The following TSPAN9 variants were observed in gnomAD, a reference collection of about 807,000 sequenced individuals.
TSPAN9 encodes tetraspanin-9.
In TSPAN9, 16 loss-of-function variants were observed where a neutral mutation model predicts 31.0. The observed-to-expected ratio is 0.52, with a 90% CI of 0.35 to 0.78. The LOEUF (loss-of-function observed/expected upper bound fraction) is 0.78. TSPAN9 is among the 30% of genes least tolerant of loss of function. TSPAN9 has a pLI of 0.01. For synonymous variants in TSPAN9, 145 were observed against 121.6 expected, an observed-to-expected ratio of 1.19 and a Z score of -1.27; for missense variants, 272 against 312.5, an observed-to-expected ratio of 0.87 and a Z score of 0.98.
intron 2 of TSPAN9, among the ~76,000 whole-genome samples, chr12:3,145,585 C>G (rs960297246): frequency 1.1e-4 from 17 of 152,092 alleles, no homozygotes; most frequent in African/African-American, 3.9e-4. Context: ...CACTCGTCAC[C>G]CTGAATTCTA....
At chr12:3,082,258 A>G (rs894209427) in intron 1 of TSPAN9, among the ~76,000 whole-genome samples, 4 of 152,220 alleles carry the variant, frequency 2.6e-5, no homozygotes, top group African/African-American at 7.2e-5. Flanking sequence ...ATTTCAACAG[A>G]AGGAGGAAGG....
rs529986359 is a variant in TSPAN9 at position 3,234,041 on chromosome 12, G to T, written c.63+32785G>T. On this transcript the variant is annotated intron_variant, in intron 3 of 8. Transcript: ENST00000011898. ...GGGGATGAATGGAGCTTGTGTAAAC[G>T]TGGGTGTGTAGGGCTGAGACGTCCT... Among the ~76,000 whole-genome samples the T allele has an allele frequency of 1.8e-4, 27 of 152,198 alleles. 1 individual carries two copies. Among genetic ancestry groups the T allele is most frequent in the Admixed American group, 1.4e-3 (21 of 15,284 alleles).
intron 2 of TSPAN9, among the ~76,000 whole-genome samples, chr12:3,199,514 G>T (rs1211792253): frequency 1.3e-5 from 2 of 152,232 alleles, no homozygotes; most frequent in Non-Finnish European, 2.9e-5. Context: ...TCGTTTCTCT[G>T]ACCTCACGGG....
intron 3 of TSPAN9, among the ~76,000 whole-genome samples, chr12:3,207,909 C>T (rs2098376201): frequency 6.6e-6 from 1 of 152,166 alleles, no homozygotes; most frequent in South Asian, 2.1e-4. Flanking sequence ...TGAACAAAGC[C>T]CCTCCTGAGT....
At chr12:3,178,134 A>T (rs1218146201) in intron 2 of TSPAN9, among the ~76,000 whole-genome samples, 1 of 152,048 alleles carries the variant, frequency 6.6e-6, no homozygotes, top group Non-Finnish European at 1.5e-5. Context: ...TGCCATTCTT[A>T]TCTTTTTTTA....
intron 2 of TSPAN9, among the ~76,000 whole-genome samples, chr12:3,141,460 C>T (rs1239453515): frequency 1.3e-5 from 2 of 152,182 alleles, no homozygotes; most frequent in South Asian, 2.1e-4. Flanking sequence ...TCCTCCTGCC[C>T]CGGGCCCTGC....
intron 3 of TSPAN9, among the ~76,000 whole-genome samples, chr12:3,219,390 G>C (rs1029053274): frequency 6.6e-6 from 1 of 152,150 alleles, no homozygotes; most frequent in Non-Finnish European, 1.5e-5. Flanking sequence ...CTGTTGAGTG[G>C]CACCTCCTGC....
At chr12:3,206,265 C>T (rs1250577523) in intron 3 of TSPAN9, 2 of 454,532 alleles carry the variant, frequency 4.4e-6, no homozygotes, top group Non-Finnish European at 8.9e-6. Flanking sequence ...TACTGAATGC[C>T]CACTCTGTGC....
intron 3 of TSPAN9, among the ~76,000 whole-genome samples, chr12:3,274,830 C>T (rs1359713674): frequency 1.3e-5 from 2 of 152,246 alleles, no homozygotes; most frequent in Non-Finnish European, 2.9e-5. Flanking sequence ...CTGCACAGGC[C>T]TCCTCACTGG....
At chr12:3,140,328 T>G (rs1191416122) in intron 2 of TSPAN9, among the ~76,000 whole-genome samples, 1 of 152,138 alleles carries the variant, frequency 6.6e-6, no homozygotes, top group Admixed American at 6.5e-5. Flanking sequence ...TAGTCGACAC[T>G]GAAGGACTTC....
intron 2 of TSPAN9, among the ~76,000 whole-genome samples, chr12:3,138,794 G>C (rs1221454931): frequency 1.3e-5 from 2 of 152,032 alleles, no homozygotes; most frequent in Non-Finnish European, 2.9e-5. Context: ...TTTCTTCTTT[G>C]TTTTGCCCCA....
chr12:3,097,883 G>A (rs1399529444), intron 2 of TSPAN9, among the ~76,000 whole-genome samples: 1 of 152,234 alleles, frequency 6.6e-6, no homozygotes, highest in East Asian at 1.9e-4. Flanking sequence ...CCCAGAGTCA[G>A]GCAGAGAAGC....
At chr12:3,106,334 G>A (rs1388631396) in intron 2 of TSPAN9, among the ~76,000 whole-genome samples, 3 of 152,086 alleles carry the variant, frequency 2.0e-5, no homozygotes, top group African/African-American at 4.8e-5. Context: ...TTGTATAATA[G>A]AGAGAGCTTG....
At chr12:3,269,767 C>G (rs973224937) in intron 3 of TSPAN9, among the ~76,000 whole-genome samples, 1 of 152,236 alleles carries the variant, frequency 6.6e-6, no homozygotes, top group African/African-American at 2.4e-5. Context: ...CACAAGCGCT[C>G]CCTGTGTGGC....
chr12:3,163,486 C>T (rs536451911), intron 2 of TSPAN9, among the ~76,000 whole-genome samples: 1 of 152,304 alleles, frequency 6.6e-6, no homozygotes, highest in South Asian at 2.1e-4. Context: ...CCCTTCCACC[C>T]CGCTACACCT....
chr12:3,117,337 T>C (rs981753236), intron 2 of TSPAN9, among the ~76,000 whole-genome samples: 1 of 152,166 alleles, frequency 6.6e-6, no homozygotes, highest in African/African-American at 2.4e-5. Context: ...CTCTGTTTTA[T>C]AAGCTGCAGG....
Position 3,233,361 on chromosome 12 carries a change from C to T in TSPAN9, c.63+32105C>T, listed in dbSNP as rs1360574031. Reference sequence around the variant, plus strand: ...TAGCTGAATGTGGATTGTCACAACACATCACCTCTAGCCCTGCTCCGTCCC... The same window carrying T: ...TAGCTGAATGTGGATTGTCACAACATATCACCTCTAGCCCTGCTCCGTCCC... On this transcript the variant is annotated intron_variant, in intron 3 of 8. Coordinates refer to ENST00000011898, the MANE Select transcript of TSPAN9 (RefSeq NM_006675.5). Among the ~76,000 whole-genome samples, 3 of 152,228 alleles carry T rather than the reference C, an allele frequency of 2.0e-5. No homozygotes were observed. The East Asian group carries it at 5.8e-4, about 29-fold the overall frequency.
At chr12:3,267,556 C>T (rs1383063716) in intron 3 of TSPAN9, among the ~76,000 whole-genome samples, 1 of 152,222 alleles carries the variant, frequency 6.6e-6, no homozygotes, top group Non-Finnish European at 1.5e-5. Flanking sequence ...TTCTTAAGCC[C>T]ATCTTGCCTC....
intron 2 of TSPAN9, among the ~76,000 whole-genome samples, chr12:3,180,417 T>C (rs1354564971): frequency 6.6e-6 from 1 of 151,700 alleles, no homozygotes; most frequent in East Asian, 1.9e-4. Context: ...TTGAAGAGTG[T>C]AGTCAGCTGT....
Sources: gnomAD v4.1 joint callset for allele counts (sites outside exome capture counted in the v4.1 genomes callset) on GRCh38, gnomAD v4.1.1 for gene constraint, MANE v1.5 for transcripts, NCBI Gene and HGNC (gene_info 2026-07-23, HGNC 2026-07-21) for gene names.